The following PON2 variants were observed in gnomAD, a reference collection of about 807,000 sequenced individuals.
PON2 encodes paraoxonase 2.
A neutral mutation model predicts 36.6 loss-of-function variants in PON2; 27 were observed. That is an observed-to-expected ratio of 0.74 (90% CI 0.54 to 1.02). The LOEUF (loss-of-function observed/expected upper bound fraction) is 1.02. Among genes scored for constraint, PON2 ranks in the 50% least tolerant of loss-of-function variants. The pLI, the probability that PON2 is intolerant of heterozygous loss-of-function variation, is 0.00. For synonymous variants in PON2, 149 were observed against 156.3 expected, an observed-to-expected ratio of 0.95 and a Z score of 0.35; for missense variants, 363 against 421.1, an observed-to-expected ratio of 0.86 and a Z score of 1.21.
intron 1 of PON2, among the ~76,000 whole-genome samples, chr7:95,433,414 C>G (rs112592935): frequency 0.02 from 3,011 of 152,242 alleles, 56 homozygotes; most frequent in Middle Eastern, 0.037. Context: ...ACAGCTGAAT[C>G]AGAATCTTTG....
chr7:95,411,808 T>C, intron 4 of PON2, 29 bp from the exon 5 acceptor site: 1 of 1,611,330 alleles, frequency 6.2e-7, no homozygotes, highest in South Asian at 1.1e-5. Context: ...AGAGTTAATT[T>C]ACAAGACATA....
chr7:95,424,539 G>A lies in PON2; in HGVS notation c.121C>T (p.His41Tyr), dbSNP rs1371381337. 6.2e-7 allele frequency: 1 copy of A among 1,613,244 alleles called. No homozygotes were observed. The highest frequency in any genetic ancestry group is 1.3e-5 in the African/African-American group (1 of 74,866). Reference protein sequence around the residue: ...SREVESVDLPHCHLIKGIEAG... With the variant: ...SREVESVDLPYCHLIKGIEAG... ...CCAATTCCTTTAATCAGGTGGCAGT[G>A]TGGAAGGTCTACAGATTCTACTTCT... Residue 41 changes from histidine (H) to tyrosine (Y), a missense_variant, in exon 2 of 9, where the codon CAC (histidine) becomes TAC (tyrosine). By Grantham distance (83) the His-to-Tyr change is moderately conservative. Coordinates refer to ENST00000222572, the MANE Select transcript of PON2 (RefSeq NM_000305.3).
At chr7:95,409,714 G>T (rs928030862) in intron 6 of PON2, 187 bp downstream of exon 6, 3 of 188,798 alleles carry the variant, frequency 1.6e-5, no homozygotes, top group African/African-American at 7.2e-5. Context: ...AAATACATGT[G>T]ACTAAGTATA....
At chr7:95,417,852 GAAGA>G (rs918401608) in intron 2 of PON2, among the ~76,000 whole-genome samples, 22 of 114,724 alleles carry the variant, frequency 1.9e-4, no homozygotes, top group Non-Finnish European at 3.4e-4. Flanking sequence ...CGTGGAAAAA[GAAGA>G]TATATAGAAA....
intron 1 of PON2, among the ~76,000 whole-genome samples, chr7:95,433,346 G>C (rs931085643): frequency 3.3e-5 from 5 of 151,956 alleles, no homozygotes; most frequent in African/African-American, 1.2e-4. Flanking sequence ...GCAATCTTCT[G>C]GCTTAGGCCT....
At chr7:95,427,709 GT>G (rs1789347944) in intron 1 of PON2, among the ~76,000 whole-genome samples, 4 of 152,114 alleles carry the variant, frequency 2.6e-5, no homozygotes, top group Admixed American at 2.6e-4. Context: ...TGTTTTTCAT[GT>G]GAGGAAAATA....
rs139589424 is a variant in PON2, at chr7:95,423,755, G to A, written c.145+760C>T. ...TGCTAATAAAGACATACCTGAGACC[G>A]GGTAATTTATAAAGGAAAGAGGTTT... is the stretch of plus-strand genomic sequence containing the variant. On this transcript the variant is annotated intron_variant, in intron 2 of 8. Transcript: ENST00000222572. Among the ~76,000 whole-genome samples the A allele has an allele frequency of 2.0e-3, 300 of 152,226 alleles. 1 individual carries two copies. Among genetic ancestry groups the A allele is most frequent in the African/African-American group, 5.9e-3 (246 of 41,536 alleles).
At chr7:95,408,577 C>T (rs1809771213) in intron 6 of PON2, among the ~76,000 whole-genome samples, 1 of 152,134 alleles carries the variant, frequency 6.6e-6, no homozygotes, top group African/African-American at 2.4e-5. Context: ...GAGGTTGGAT[C>T]AGGTCAGTTA....
intron 2 of PON2, among the ~76,000 whole-genome samples, chr7:95,423,437 T>C (rs1789241849): frequency 6.6e-6 from 1 of 151,932 alleles, no homozygotes; most frequent in Non-Finnish European, 1.5e-5. Context: ...TAGTAGATGA[T>C]AAAGGGTAAA....
intron 3 of PON2, among the ~76,000 whole-genome samples, chr7:95,414,831 T>C (rs1789023432): frequency 6.6e-6 from 1 of 152,190 alleles, no homozygotes; most frequent in Admixed American, 6.5e-5. Context: ...GGCAATTAAA[T>C]AAAACATTCC....
At chr7:95,415,489 A>T (rs1047762104) in intron 3 of PON2, among the ~76,000 whole-genome samples, 2 of 152,224 alleles carry the variant, frequency 1.3e-5, no homozygotes, top group African/African-American at 4.8e-5. Context: ...AAAGAAAGCA[A>T]AAGGGCAAGG....
At position 95,424,605 on chromosome 7, in the gene PON2, A is replaced by T. The variant is rs777887725; in HGVS notation, c.75-20T>A. 10 of 1,580,718 alleles carry T rather than the reference A, an allele frequency of 6.3e-6. No individual in the cohort carries two copies. The highest frequency in any genetic ancestry group is 8.7e-6 in the Non-Finnish European group (10 of 1,151,930). On this transcript the variant is annotated intron_variant, in intron 1 of 8. Coordinates refer to ENST00000222572, the MANE Select transcript of PON2 (RefSeq NM_000305.3). Reference sequence around the variant, plus strand: ...CGATTTCTGTTACAAAGAAAAAAAAACAAAAAACAAAAAACTATTTGTTTA... The same window carrying T: ...CGATTTCTGTTACAAAGAAAAAAAATCAAAAAACAAAAAACTATTTGTTTA...
rs1298291526 is a variant in PON2, at chr7:95,418,533, TC to T, written c.146-2237del. ...TGGTCAATTCCATATGTTGTCTTTTTCCCCTGAAGTTTTGCTTCCAAGCCTC... is the reference window on the plus strand; with the variant it reads ...TGGTCAATTCCATATGTTGTCTTTTTCCCTGAAGTTTTGCTTCCAAGCCTC... On this transcript the variant is annotated intron_variant, in intron 2 of 8. Coordinates refer to ENST00000222572, the MANE Select transcript of PON2 (RefSeq NM_000305.3). 2.6e-5 allele frequency: 4 copies of T among 152,358 alleles called. No individual in the cohort carries two copies. The East Asian group carries it at 5.8e-4, about 22-fold the overall frequency. The allele number at this position is 152,358 out of a possible 1,614,324, so 9.4% of individuals were successfully genotyped here.
In PON2 at chr7:95,406,821, A is replaced by T. The variant is rs12704794; in HGVS notation, c.777+166T>A. Among the ~76,000 whole-genome samples, 40,773 of 152,062 alleles carry T rather than the reference A, an allele frequency of 0.27. 5,900 individuals carry two copies. Among genetic ancestry groups the T allele is most frequent in the South Asian group, 0.36 (1,749 of 4,812 alleles). The stretch of plus-strand genomic sequence containing the variant: ...TGCATGTAATCATGGTCAGTTCTTG[A>T]GATCGCTGGAAACAGGAGCTTTCTC... On this transcript the variant is annotated intron_variant, in intron 7 of 8. Coordinates refer to ENST00000222572, the MANE Select transcript of PON2 (RefSeq NM_000305.3).
At position 95,409,981 on chromosome 7, in the gene PON2, A is replaced by G. The variant is rs1295999967; in HGVS notation, c.615T>C (p.Val205=). The part of the protein sequence containing the change: ...TYLNLHWANV[V]YYSPNEVKVV... ...CTTTAACTTCATTTGGACTGTAGTA[A>G]ACAACATTTGCCCAGTGTAAGTTCA... Residue 205 remains valine (V), a synonymous_variant, in exon 6 of 9, where the codon GTT becomes GTC. Coordinates refer to ENST00000222572, the MANE Select transcript of PON2 (RefSeq NM_000305.3). The G allele has an allele frequency of 6.2e-7, 1 of 1,613,472 alleles. No homozygotes were observed. The highest frequency in any genetic ancestry group is 1.1e-5 in the South Asian group (1 of 91,080).
intron 1 of PON2, among the ~76,000 whole-genome samples, chr7:95,426,313 T>C (rs1789315947): frequency 6.6e-6 from 1 of 152,178 alleles, no homozygotes; most frequent in Admixed American, 6.5e-5. Context: ...GTAATCTTAA[T>C]TGTGATGATG....
chr7:95,405,261 TC>T lies in PON2; in HGVS notation c.*68del, dbSNP rs1809647270. ...TCTGGGTCAATGTTGCTGGTTAAATTCCCTCAGAATTAGCAATTCATAGAAA... is the reference window on the plus strand; with the variant it reads ...TCTGGGTCAATGTTGCTGGTTAAATTCCTCAGAATTAGCAATTCATAGAAA... On this transcript the variant is annotated 3_prime_UTR_variant, in exon 9 of 9. Coordinates refer to ENST00000222572, the MANE Select transcript of PON2 (RefSeq NM_000305.3). 1.1e-5 allele frequency: 16 copies of T among 1,523,610 alleles called. No individual in the cohort carries two copies. The East Asian group carries it at 3.4e-4, about 33-fold the overall frequency. The allele number at this position is 1,523,610 out of a possible 1,614,324, so 94.4% of individuals were successfully genotyped here.
At chr7:95,434,003 G>A (rs1178732932) in intron 1 of PON2, among the ~76,000 whole-genome samples, 1 of 152,182 alleles carries the variant, frequency 6.6e-6, no homozygotes, top group African/African-American at 2.4e-5. Flanking sequence ...GCCTAAGAGA[G>A]AACATTACAC....
At chr7:95,426,840 C>T (rs763010107) in intron 1 of PON2, among the ~76,000 whole-genome samples, 14 of 152,174 alleles carry the variant, frequency 9.2e-5, no homozygotes, top group Non-Finnish European at 1.8e-4. Context: ...TACTACTATG[C>T]CTATTTGACT....
Sources: gnomAD v4.1 joint callset for allele counts (sites outside exome capture counted in the v4.1 genomes callset) on GRCh38, gnomAD v4.1.1 for gene constraint, MANE v1.5 for transcripts, NCBI Gene and HGNC (gene_info 2026-07-23, HGNC 2026-07-21) for gene names.